The following ZMYM1 variants were observed in gnomAD, a reference collection of about 807,000 sequenced individuals.
The protein encoded by ZMYM1 is zinc finger MYM-type containing 1.
Under a neutral mutation model 60.0 loss-of-function variants are expected in ZMYM1, and 39 were observed. That is an observed-to-expected ratio of 0.65 (90% CI 0.50 to 0.85). The LOEUF (loss-of-function observed/expected upper bound fraction) is 0.85. Among genes scored for constraint, ZMYM1 ranks in the 40% least tolerant of loss-of-function variants. The pLI is 0.00. For synonymous variants in ZMYM1, 413 were observed against 454.0 expected (o/e 0.91, Z 1.15); for missense variants, 1,171 against 1,309.5 (o/e 0.89, Z 1.63).
chr1:35,113,669 C>T lies in ZMYM1; in HGVS notation c.1839C>T (p.Asn613=). ...TGAATTCACAAGTTGACTTCTATAACAGTACACAAATTCAAAGTGATATTA... is the reference window on the plus strand; with the variant it reads ...TGAATTCACAAGTTGACTTCTATAATAGTACACAAATTCAAAGTGATATTA... The part of the protein sequence containing the change: ...RLMNSQVDFY[N]STQIQSDIIE... The change falls in exon 10 of 10, where the codon AAC becomes AAT. Residue 613 remains asparagine, a synonymous_variant. Coordinates refer to ENST00000359858, the MANE Select transcript of ZMYM1 (RefSeq NM_024772.5). 2 of 1,613,436 alleles carry T rather than the reference C, an allele frequency of 1.2e-6. No homozygotes were observed. The highest frequency in any genetic ancestry group is 1.3e-5 in the African/African-American group (1 of 74,994).
chr1:35,091,038 T>G (rs1642969626), intron 1 of ZMYM1, among the ~76,000 whole-genome samples: 1 of 151,880 alleles, frequency 6.6e-6, no homozygotes, highest in African/African-American at 2.4e-5. Context: ...TAATCCTAGA[T>G]TTCTGGCATG....
intron 1 of ZMYM1, among the ~76,000 whole-genome samples, chr1:35,068,886 G>C (rs536692872): frequency 2.6e-5 from 4 of 152,098 alleles, no homozygotes; most frequent in Admixed American, 2.6e-4. Context: ...ACCCATGCTG[G>C]AGGGCAATGG....
chr1:35,088,454 A>ATGTGTGTG (rs764350525), intron 1 of ZMYM1, among the ~76,000 whole-genome samples: 7 of 107,244 alleles, frequency 6.5e-5, no homozygotes, highest in African/African-American at 2.6e-4. Flanking sequence ...ATATATATAT[A>ATGTGTGTG]TGTGTGTGTG....
intron 4 of ZMYM1, among the ~76,000 whole-genome samples, chr1:35,103,390 C>G (rs1343822270): frequency 6.6e-6 from 1 of 152,144 alleles, no homozygotes; most frequent in African/African-American, 2.4e-5. Flanking sequence ...CTCTGTTGCT[C>G]AGGCTAGAGT....
chr1:35,104,703 C>A lies in ZMYM1; in HGVS notation c.741C>A (p.His247Gln). 6.2e-7 allele frequency: 1 copy of A among 1,614,186 alleles called. No individual in the cohort carries two copies. Among genetic ancestry groups the A allele is most frequent in the South Asian group, 1.1e-5 (1 of 91,080 alleles). The stretch of plus-strand genomic sequence containing the variant: ...GTTACACCAGCTCTAGTCTGTCCCA[C>A]ATACTTCAGATGGAAGGACAGTCTC... ...TYCYTSSSLS[H>Q]ILQMEGQSHY... Residue 247 changes from histidine to glutamine, a missense_variant, in exon 6 of 10, where the codon CAC becomes CAA. His to Gln is a conservative substitution (Grantham distance 24). Transcript: ENST00000359858.
intron 1 of ZMYM1, among the ~76,000 whole-genome samples, chr1:35,086,848 AT>A (rs972645030): frequency 1.3e-5 from 2 of 150,898 alleles, no homozygotes; most frequent in Non-Finnish European, 1.5e-5. Context: ...CGCTTGGCTA[AT>A]TTTTTTTGTA....
At position 35,097,579 on chromosome 1, in the gene ZMYM1, A is replaced by C. The variant is rs777930823; in HGVS notation, c.419+13A>C. 64 of 1,613,148 alleles carry C rather than the reference A, an allele frequency of 4.0e-5. No homozygotes were observed. The highest frequency in any genetic ancestry group is 4.9e-5 in the Non-Finnish European group (58 of 1,179,212). On this transcript the variant is annotated intron_variant, in intron 4 of 9. Transcript: ENST00000359858. ...CAAACTGCTCAAAGTATATAATTCT[A>C]AATTATGCCCCCTTTTATTTCCCTA...
intron 1 of ZMYM1, among the ~76,000 whole-genome samples, chr1:35,083,323 T>G (rs766897459): frequency 1.3e-5 from 2 of 151,996 alleles, no homozygotes; most frequent in East Asian, 1.9e-4. Context: ...GCTAATCTTT[T>G]AATTGTTTTT....
rs762387472 is a variant in ZMYM1 at position 35,113,819 on chromosome 1, AAG to A, written c.1991_1992del (p.Arg664IlefsTer12). The A allele has an allele frequency of 1.2e-6, 2 of 1,613,842 alleles. No homozygotes were observed. The highest frequency in any genetic ancestry group is 3.3e-5 in the Admixed American group (2 of 60,000). ...TGAAAGAACAGCTTTCAATTTGTGT[AAG>A]ATACCCACAAAAATCATCAAAGGCT... ...AMKEQLSICVRYPQKSSKAIL... is the reference protein window; with the variant it reads ...AMKEQLSICVXYPQKSSKAIL... On this transcript the variant is annotated frameshift_variant, in exon 10 of 10. Coordinates refer to ENST00000359858, the MANE Select transcript of ZMYM1 (RefSeq NM_024772.5). LOFTEE classifies it high-confidence loss of function.
At chr1:35,074,574 A>C (rs1642132748), upstream of ZMYM1, among the ~76,000 whole-genome samples, 1 of 151,472 alleles carries the variant, frequency 6.6e-6, no homozygotes, top group African/African-American at 2.4e-5. Context: ...ATGTCCAGCT[A>C]ATTTTTGTAT....
chr1:35,112,825 A>G (rs568371410), intron 9 of ZMYM1, 152 bp from the exon 10 acceptor site: 2 of 596,708 alleles, frequency 3.4e-6, no homozygotes, highest in East Asian at 3.4e-5. Flanking sequence ...TTGCAAATAA[A>G]TAAGTTATAC....
At position 35,114,305 on chromosome 1, in the gene ZMYM1, G is replaced by C. The variant is rs979232570; in HGVS notation, c.2475G>C (p.Glu825Asp). Reference protein sequence around the residue: ...TLLSVIDSLPEIIETLEVIAS... With the variant: ...TLLSVIDSLPDIIETLEVIAS... Reference sequence around the variant, plus strand: ...TATCTGTGATTGACAGTCTTCCAGAGATTATTGAAACATTGGAAGTTATAG... The same window carrying C: ...TATCTGTGATTGACAGTCTTCCAGACATTATTGAAACATTGGAAGTTATAG... The change falls in exon 10 of 10, where the codon GAG (glutamate) becomes GAC (aspartate). Residue 825 changes from glutamate to aspartate, a missense_variant. Glu to Asp is a conservative substitution (Grantham distance 45, BLOSUM62 2). Transcript: ENST00000359858. 3 of 1,613,600 alleles carry C rather than the reference G, an allele frequency of 1.9e-6. No homozygotes were observed. In the African/African-American group the frequency reaches 4.0e-5, roughly 22 times the overall value.
intron 6 of ZMYM1, among the ~76,000 whole-genome samples, chr1:35,109,920 G>A (rs1229979615): frequency 1.3e-5 from 2 of 151,990 alleles, no homozygotes; most frequent in Admixed American, 6.6e-5. Context: ...CTAATTTTTT[G>A]TATTTTTAGT....
chr1:35,094,244 A>G (rs1043937965), intron 2 of ZMYM1, among the ~76,000 whole-genome samples, 161 bp downstream of exon 2: 1 of 152,214 alleles, frequency 6.6e-6, no homozygotes, highest in African/African-American at 2.4e-5. Context: ...TGCCACTACA[A>G]GTATATGTAA....
downstream of ZMYM1, among the ~76,000 whole-genome samples, chr1:35,117,082 C>T (rs892598708): frequency 1.3e-5 from 2 of 148,736 alleles, no homozygotes; most frequent in South Asian, 2.1e-4. Flanking sequence ...CCGCCCGCCT[C>T]GGCCTCCCAA....
At chr1:35,086,174 G>A (rs972077062) in intron 1 of ZMYM1, among the ~76,000 whole-genome samples, 1 of 151,912 alleles carries the variant, frequency 6.6e-6, no homozygotes, top group East Asian at 1.9e-4. Context: ...TTCATAATGT[G>A]GCTTTTTAAA....
At chr1:35,078,380 G>A (rs1412565514), upstream of ZMYM1, among the ~76,000 whole-genome samples, 1 of 151,802 alleles carries the variant, frequency 6.6e-6, no homozygotes, top group East Asian at 1.9e-4. Context: ...ATTATAATAA[G>A]TTCATCATTC....
At chr1:35,116,749 G>T (rs897939873), downstream of ZMYM1, among the ~76,000 whole-genome samples, 2 of 149,186 alleles carry the variant, frequency 1.3e-5, no homozygotes, top group Admixed American at 6.7e-5. Context: ...AAGCCACCAC[G>T]CCCAGCCAGA....
intron 1 of ZMYM1, among the ~76,000 whole-genome samples, chr1:35,063,258 CTGGG>C (rs1641907907): frequency 6.6e-6 from 1 of 151,778 alleles, no homozygotes; most frequent in South Asian, 2.1e-4. Context: ...TCTAGAGTAG[CTGGG>C]ACTACAGGAA....
Sources: allele counts gnomAD v4.1 joint callset (sites outside exome capture counted in the v4.1 genomes callset), GRCh38; gene constraint gnomAD v4.1.1; transcripts MANE v1.5; gene names NCBI Gene and HGNC (gene_info 2026-07-23, HGNC 2026-07-21).